Variants in PEAK1 observed in about 807,000 individuals in gnomAD.
PEAK1 encodes the protein inactive tyrosine-protein kinase PEAK1.
PEAK1 carries 54 observed loss-of-function variants against 124.7 expected under a neutral mutation model. That is an observed-to-expected ratio of 0.43 (90% CI 0.35 to 0.54). The LOEUF (loss-of-function observed/expected upper bound fraction) is 0.54, where lower values mean the gene tolerates loss of function less well. PEAK1 is among the 20% of genes least tolerant of loss of function. The probability of loss-of-function intolerance (pLI) is 0.01; values close to 1 mark genes in which losing one functional copy is unlikely to be tolerated. For synonymous variants in PEAK1, 719 were observed against 760.0 expected, an observed-to-expected ratio of 0.95 and a Z score of 0.89; for missense variants, 2,046 against 2,134.5, an observed-to-expected ratio of 0.96 and a Z score of 0.82.
chr15:77,392,717 C>T (rs1042147332), intron 1 of PEAK1, among the ~76,000 whole-genome samples: 1 of 152,142 alleles, frequency 6.6e-6, no homozygotes, highest in Non-Finnish European at 1.5e-5. Flanking sequence ...GTTGAGGAGG[C>T]GGCGGAGTAA....
intron 2 of PEAK1, chr15:77,334,838 T>G: frequency 1.0e-6 from 1 of 985,374 alleles, no homozygotes; most frequent in Non-Finnish European, 1.2e-6. Flanking sequence ...CATCCAGAGA[T>G]TTTAATTTGG....
intron 9 of PEAK1, among the ~76,000 whole-genome samples, chr15:77,118,806 C>T (rs2051630697): frequency 6.6e-6 from 1 of 152,230 alleles, no homozygotes; most frequent in Non-Finnish European, 1.5e-5. Context: ...AATGGTCCTA[C>T]ATCTTCATTA....
intron 6 of PEAK1, among the ~76,000 whole-genome samples, chr15:77,189,951 G>T (rs2057750398): frequency 6.6e-6 from 1 of 152,054 alleles, no homozygotes; most frequent in African/African-American, 2.4e-5. Context: ...AATAAGAGAA[G>T]GTGGGAAAAA....
intron 1 of PEAK1, chr15:77,404,001 A>C (rs1041895485): frequency 2.1e-6 from 2 of 969,044 alleles, no homozygotes; most frequent in Non-Finnish European, 2.5e-6. Flanking sequence ...TTTATCACTC[A>C]GGTAATGAGC....
intron 7 of PEAK1, among the ~76,000 whole-genome samples, chr15:77,160,229 TGACACTTCCAA>T (rs1186418100): frequency 2.0e-5 from 3 of 152,076 alleles, no homozygotes; most frequent in African/African-American, 7.2e-5. Flanking sequence ...CAAAACAAAG[TGACACTTCCAA>T]GACACTCAGG....
At chr15:77,391,808 A>C (rs1247435837) in intron 1 of PEAK1, among the ~76,000 whole-genome samples, 1 of 152,242 alleles carries the variant, frequency 6.6e-6, no homozygotes, top group Non-Finnish European at 1.5e-5. Flanking sequence ...ATAAGATAGC[A>C]AACAAGCTAA....
At chr15:77,277,336 TAA>T (rs2062386515) in intron 5 of PEAK1, among the ~76,000 whole-genome samples, 2 of 152,154 alleles carry the variant, frequency 1.3e-5, no homozygotes, top group Non-Finnish European at 2.9e-5. Flanking sequence ...TGTGTGACTA[TAA>T]AGAGGCAGCA....
intron 1 of PEAK1, among the ~76,000 whole-genome samples, chr15:77,368,172 C>T (rs781747035): frequency 2.6e-5 from 4 of 152,096 alleles, no homozygotes; most frequent in Middle Eastern, 3.4e-3. Flanking sequence ...GTATTGATAA[C>T]TAATCATTTA....
chr15:77,259,074 G>A (rs116902949), intron 5 of PEAK1, among the ~76,000 whole-genome samples: 3,191 of 152,092 alleles, frequency 0.021, 62 homozygotes, highest in South Asian at 0.051. Flanking sequence ...ATTTTTTACC[G>A]TAAAGGTAGA....
At chr15:77,287,323 AT>A (rs1415035449) in intron 2 of PEAK1, among the ~76,000 whole-genome samples, 1 of 152,272 alleles carries the variant, frequency 6.6e-6, no homozygotes, top group Non-Finnish European at 1.5e-5. Flanking sequence ...GAATTAAAAA[AT>A]ATTTGTCAAG....
chr15:77,234,440 T>C (rs2060029568), intron 6 of PEAK1, among the ~76,000 whole-genome samples: 1 of 152,174 alleles, frequency 6.6e-6, no homozygotes, highest in African/African-American at 2.4e-5. Flanking sequence ...TGTTTACTTA[T>C]TTAAGCAAAT....
At chr15:77,303,708 T>G (rs1046592562) in intron 2 of PEAK1, among the ~76,000 whole-genome samples, 2 of 152,244 alleles carry the variant, frequency 1.3e-5, no homozygotes, top group African/African-American at 4.8e-5. Flanking sequence ...TCCATTCTTT[T>G]AATAGAGTAT....
At chr15:77,370,914 C>A in intron 1 of PEAK1, 3 of 411,700 alleles carry the variant, frequency 7.3e-6, no homozygotes, top group Non-Finnish European at 9.8e-6. Context: ...CCTGTAGTCC[C>A]AGCTACTCAG....
chr15:77,227,815 TA>T (rs1032224886), intron 6 of PEAK1, among the ~76,000 whole-genome samples: 7 of 151,770 alleles, frequency 4.6e-5, no homozygotes, highest in African/African-American at 1.7e-4. Context: ...CTGGACAATA[TA>T]GCAAGGCTCC....
chr15:77,395,877 G>A (rs1197439493), intron 1 of PEAK1, among the ~76,000 whole-genome samples: 1 of 151,904 alleles, frequency 6.6e-6, no homozygotes, highest in African/African-American at 2.4e-5. Context: ...ATAATCTAAA[G>A]GTACAAAACT....
chr15:77,185,413 C>T (rs1457774114), intron 6 of PEAK1, among the ~76,000 whole-genome samples: 1 of 152,220 alleles, frequency 6.6e-6, no homozygotes, highest in African/African-American at 2.4e-5. Flanking sequence ...GCTACTTCCT[C>T]TCCCCTAACT....
intron 1 of PEAK1, among the ~76,000 whole-genome samples, chr15:77,408,072 T>G (rs2072035152): frequency 7.9e-6 from 1 of 127,056 alleles, no homozygotes; most frequent in African/African-American, 2.7e-5. Flanking sequence ...TACACATATA[T>G]ACATATATAC....
intron 2 of PEAK1, among the ~76,000 whole-genome samples, chr15:77,309,968 G>T (rs2064337750): frequency 6.6e-6 from 1 of 152,162 alleles, no homozygotes; most frequent in African/African-American, 2.4e-5. Flanking sequence ...GAACATGGTA[G>T]CTGTCTTCTC....
chr15:77,399,980 T>C (rs2071217729), intron 1 of PEAK1, among the ~76,000 whole-genome samples: 1 of 152,122 alleles, frequency 6.6e-6, no homozygotes, highest in East Asian at 1.9e-4. Flanking sequence ...AAAAATCTAA[T>C]AATCTGATTT....
Sources: gnomAD v4.1 joint callset for allele counts (sites outside exome capture counted in the v4.1 genomes callset) on GRCh38, gnomAD v4.1.1 for gene constraint, MANE v1.5 for transcripts, NCBI Gene and HGNC (gene_info 2026-07-23, HGNC 2026-07-21) for gene names.